Variants in CYP2C19 observed in about 807,000 individuals in gnomAD.
CYP2C19 encodes cytochrome P450 2C19.
A neutral mutation model predicts 40.9 loss-of-function variants in CYP2C19; 59 were observed. That is an observed-to-expected ratio of 1.44 (90% confidence interval 1.17 to 1.79). CYP2C19 has a LOEUF of 1.79. Among genes scored for constraint, CYP2C19 ranks in the 40% most tolerant of loss-of-function variants. The probability of loss-of-function intolerance (pLI) is 0.00; values close to 1 mark genes in which losing one functional copy is unlikely to be tolerated. For missense variants in CYP2C19, 754 were observed against 596.9 expected (o/e 1.26, Z -2.74); for synonymous variants, 253 against 208.7 (o/e 1.21, Z -1.83).
chr10:94,852,395 T>C (rs1849666602), intron 8 of CYP2C19, among the ~76,000 whole-genome samples: 1 of 152,206 alleles, frequency 6.6e-6, no homozygotes, highest in Non-Finnish European at 1.5e-5. Flanking sequence ...AGGTAATGTA[T>C]GTTTCTCAAG....
intron 5 of CYP2C19, among the ~76,000 whole-genome samples, chr10:94,816,824 C>T (rs1039129275): frequency 2.7e-5 from 4 of 148,988 alleles, no homozygotes; most frequent in Non-Finnish European, 5.9e-5. Flanking sequence ...TGAGAATATA[C>T]GGTGTTTGGT....
intron 7 of CYP2C19, among the ~76,000 whole-genome samples, chr10:94,847,194 A>G (rs1418272829): frequency 6.6e-6 from 1 of 152,124 alleles, no homozygotes; most frequent in East Asian, 1.9e-4. Context: ...GTCATTTAGC[A>G]TTAGGTATAT....
rs754514180 is a variant in CYP2C19, at chr10:94,775,232, A to T, written c.331+12A>T. Reference sequence around the variant, plus strand: ...TAACAGAGGATTTGGTAGGTGTGCAAGTGCCTGTTTCAGCATCTGTCTTGG... The same window carrying T: ...TAACAGAGGATTTGGTAGGTGTGCATGTGCCTGTTTCAGCATCTGTCTTGG... On this transcript the variant is annotated intron_variant, in intron 2 of 8. Transcript: ENST00000371321. 4.3e-5 allele frequency: 70 copies of T among 1,614,022 alleles called. No homozygotes were observed. In the African/African-American group the frequency reaches 5.5e-4, roughly 13 times the overall value.
intron 3 of CYP2C19, among the ~76,000 whole-genome samples, chr10:94,779,712 C>T (rs543247234): frequency 3.8e-4 from 58 of 151,998 alleles, no homozygotes; most frequent in African/African-American, 1.3e-3. Context: ...AGGCACCCAC[C>T]ACCACACTCG....
chr10:94,852,563 T>A (rs1849669725), intron 8 of CYP2C19, among the ~76,000 whole-genome samples, 170 bp from the exon 9 acceptor site: 1 of 152,142 alleles, frequency 6.6e-6, no homozygotes, highest in African/African-American at 2.4e-5. Flanking sequence ...CTTCCACCCA[T>A]CCATCCTTTC....
intron 6 of CYP2C19, among the ~76,000 whole-genome samples, chr10:94,831,000 T>G (rs1430350108): frequency 2.0e-5 from 3 of 152,208 alleles, no homozygotes; most frequent in Non-Finnish European, 4.4e-5. Context: ...GTAGGTCTTA[T>G]TCATCCCTAC....
chr10:94,852,704 TA>T, intron 8 of CYP2C19, 28 bp from the exon 9 acceptor site: 2 of 1,610,174 alleles, frequency 1.2e-6, no homozygotes, highest in Non-Finnish European at 1.7e-6. Flanking sequence ...ACATGAGGAG[TA>T]ACTTCTCCCT....
At chr10:94,809,680 C>A (rs139206923) in intron 5 of CYP2C19, among the ~76,000 whole-genome samples, 393 of 152,060 alleles carry the variant, frequency 2.6e-3, no homozygotes, top group African/African-American at 9.2e-3. Flanking sequence ...TTTGCCCATT[C>A]AGTATAATTT....
chr10:94,774,905 C>A (rs1848385151), intron 1 of CYP2C19, 153 bp from the exon 2 acceptor site: 5 of 810,414 alleles, frequency 6.2e-6, no homozygotes, highest in African/African-American at 1.7e-5. Flanking sequence ...GTATAATAAT[C>A]ATCATCATGT....
intron 6 of CYP2C19, among the ~76,000 whole-genome samples, chr10:94,830,184 C>A (rs1383724122): frequency 1.3e-5 from 2 of 152,224 alleles, no homozygotes; most frequent in African/African-American, 4.8e-5. Flanking sequence ...GGGCTCCACC[C>A]AGTTCCAGCT....
chr10:94,766,282 G>A (rs1029131719), intron 1 of CYP2C19, among the ~76,000 whole-genome samples: 1 of 134,150 alleles, frequency 7.5e-6, no homozygotes, highest in Admixed American at 7.0e-5. Context: ...ATAATTAGGA[G>A]CTAGTGGAAG....
intron 1 of CYP2C19, among the ~76,000 whole-genome samples, chr10:94,771,450 C>G (rs1050641812): frequency 6.6e-6 from 1 of 152,124 alleles, no homozygotes; most frequent in Non-Finnish European, 1.5e-5. Flanking sequence ...TGGCTTTCCT[C>G]TTACAGAAAT....
intron 5 of CYP2C19, among the ~76,000 whole-genome samples, chr10:94,795,127 T>C (rs1848664160): frequency 6.7e-6 from 1 of 150,338 alleles, no homozygotes; most frequent in Non-Finnish European, 1.5e-5. Context: ...TTACATTAGG[T>C]ATATCTCCTA....
At chr10:94,797,590 A>G (rs2134250374) in intron 5 of CYP2C19, among the ~76,000 whole-genome samples, 1 of 152,190 alleles carries the variant, frequency 6.6e-6, no homozygotes, top group Non-Finnish European at 1.5e-5. Flanking sequence ...TACCTCTGGT[A>G]GAATTTAGCT....
chr10:94,772,770 C>T (rs372330213), intron 1 of CYP2C19, among the ~76,000 whole-genome samples: 178 of 152,254 alleles, frequency 1.2e-3, no homozygotes, highest in African/African-American at 4.1e-3. Context: ...AGTCTGGTGG[C>T]CACATTGGTC....
At chr10:94,842,811 A>T in intron 6 of CYP2C19, 26 bp from the exon 7 acceptor site, 1 of 1,612,652 alleles carries the variant, frequency 6.2e-7, no homozygotes, top group Non-Finnish European at 8.5e-7. Context: ...CTCCTTTTCC[A>T]TCAGTTCTTA....
At chr10:94,801,820 A>C (rs570513926) in intron 5 of CYP2C19, among the ~76,000 whole-genome samples, 1 of 152,088 alleles carries the variant, frequency 6.6e-6, no homozygotes, top group Non-Finnish European at 1.5e-5. Flanking sequence ...TTCTTGTTAC[A>C]TTGTGTCTGG....
chr10:94,851,606 G>A (rs941721802), intron 8 of CYP2C19, among the ~76,000 whole-genome samples: 3 of 152,206 alleles, frequency 2.0e-5, no homozygotes, highest in Middle Eastern at 3.4e-3. Flanking sequence ...TCACAGTTCT[G>A]AAGGCTGTGA....
intron 5 of CYP2C19, among the ~76,000 whole-genome samples, chr10:94,796,496 A>T (rs1848689953): frequency 4.6e-5 from 7 of 152,124 alleles, no homozygotes. Flanking sequence ...TTATTTCCAC[A>T]AGATCTTTAA....
Sources: allele counts gnomAD v4.1 joint callset (sites outside exome capture counted in the v4.1 genomes callset), GRCh38; gene constraint gnomAD v4.1.1; transcripts MANE v1.5; gene names NCBI Gene and HGNC (gene_info 2026-07-23, HGNC 2026-07-21).